The following GLRA2 variants were observed in gnomAD, a reference collection of about 807,000 sequenced individuals.
GLRA2 encodes the protein glycine receptor alpha 2, also known as glycine receptor subunit alpha-2.
GLRA2 carries 11 observed loss-of-function variants against 31.6 expected under a neutral mutation model. That is an observed-to-expected ratio of 0.35 (90% CI 0.22 to 0.58). The LOEUF is 0.58. Ranked by LOEUF, GLRA2 falls within the 20% of genes least tolerant of loss-of-function variation. GLRA2 has a pLI of 0.84. For synonymous variants in GLRA2, 132 were observed against 134.0 expected (o/e 0.99, Z 0.10); for missense variants, 212 against 351.8 (o/e 0.60, Z 3.18).
chrX:14,550,907 CA>C (rs896478842), intron 2 of GLRA2, among the ~76,000 whole-genome samples: 2 of 111,806 alleles, frequency 1.8e-5, no homozygotes, highest in African/African-American at 6.5e-5. Context: ...CTTTATTCCT[CA>C]CTGCACCCAT....
chrX:14,687,774 T>C (rs2091296039), intron 7 of GLRA2, among the ~76,000 whole-genome samples: 1 of 112,337 alleles, frequency 8.9e-6, no homozygotes, highest in South Asian at 3.7e-4. Flanking sequence ...TTGGAGAAGT[T>C]TGATCATCTG....
intron 7 of GLRA2, among the ~76,000 whole-genome samples, chrX:14,612,948 C>G (rs1446191323): frequency 1.8e-5 from 2 of 110,351 alleles, no homozygotes; most frequent in East Asian, 5.7e-4. Flanking sequence ...ATGTTCTGCA[C>G]AGGTAACCCA....
chrX:14,507,371 TA>T, the GLRA2 span, among the ~76,000 whole-genome samples: 1 of 111,958 alleles, frequency 8.9e-6, no homozygotes, highest in African/African-American at 3.2e-5. Flanking sequence ...ATTTGCCACA[TA>T]AGATCGTTGT....
At chrX:14,565,895 TAAATTTACAC>T (rs1227894514) in intron 2 of GLRA2, among the ~76,000 whole-genome samples, 12 of 111,263 alleles carry the variant, frequency 1.1e-4, no homozygotes, top group Non-Finnish European at 1.7e-4. Context: ...CAAATCAACA[TAAATTTACAC>T]CTTGAAGAAC....
At chrX:14,660,978 C>T (rs919632675) in intron 7 of GLRA2, among the ~76,000 whole-genome samples, 2 of 111,811 alleles carry the variant, frequency 1.8e-5, no homozygotes, top group African/African-American at 3.3e-5. Flanking sequence ...TTCTTTGTTT[C>T]GTTTACTAGA....
intron 4 of GLRA2, among the ~76,000 whole-genome samples, chrX:14,582,328 C>A (rs1046025511): frequency 8.6e-5 from 9 of 105,171 alleles, no homozygotes; most frequent in African/African-American, 2.8e-4. Flanking sequence ...TTGGTTTTTT[C>A]TTCTTGCGAT....
At chrX:14,729,806 C>CTGAA (rs756622037) in intron 8 of GLRA2, among the ~76,000 whole-genome samples, 41 of 111,144 alleles carry the variant, frequency 3.7e-4, no homozygotes, top group Middle Eastern at 9.3e-3. Context: ...TAAATGTTTT[C>CTGAA]TGAATGAATG....
intron 2 of GLRA2, among the ~76,000 whole-genome samples, chrX:14,541,084 A>G (rs1295499907): frequency 8.9e-6 from 1 of 111,941 alleles, no homozygotes; most frequent in Non-Finnish European, 1.9e-5. Flanking sequence ...TGCTAATATT[A>G]ATGTGCTTGT....
chrX:14,457,067 T>C, the GLRA2 span, among the ~76,000 whole-genome samples: 1 of 112,301 alleles, frequency 8.9e-6, no homozygotes, highest in Non-Finnish European at 1.9e-5. Flanking sequence ...TGGGATGAGA[T>C]GATACTTCAC....
chrX:14,496,444 C>T, the GLRA2 span, among the ~76,000 whole-genome samples: 1 of 111,503 alleles, frequency 9.0e-6, no homozygotes, highest in South Asian at 3.8e-4. Context: ...CATTTATCAC[C>T]ACTTTCTGTC....
chrX:14,584,043 C>G (rs2090054231), intron 4 of GLRA2, among the ~76,000 whole-genome samples: 1 of 110,875 alleles, frequency 9.0e-6, no homozygotes, highest in African/African-American at 3.3e-5. Context: ...ACACTGGGAC[C>G]TACTTGAGGG....
intron 7 of GLRA2, among the ~76,000 whole-genome samples, chrX:14,626,529 T>A (rs1223461627): frequency 8.9e-6 from 1 of 111,926 alleles, no homozygotes; most frequent in Non-Finnish European, 1.9e-5. Flanking sequence ...CTGGATTTGT[T>A]GACAAGCACA....
the GLRA2 span, among the ~76,000 whole-genome samples, chrX:14,476,654 T>C: frequency 1.8e-5 from 2 of 111,701 alleles, no homozygotes; most frequent in Non-Finnish European, 3.8e-5. Context: ...GAAATGTGTA[T>C]TGTGCCTTAT....
intron 7 of GLRA2, among the ~76,000 whole-genome samples, chrX:14,662,319 G>A (rs1173120887): frequency 8.9e-6 from 1 of 111,860 alleles, no homozygotes; most frequent in East Asian, 2.8e-4. Flanking sequence ...CAACAAGGCA[G>A]TTTTATTTAA....
chrX:14,476,457 C>T, the GLRA2 span, among the ~76,000 whole-genome samples: 2 of 111,629 alleles, frequency 1.8e-5, no homozygotes, highest in Non-Finnish European at 3.8e-5. Flanking sequence ...TTGGTTCCTC[C>T]GTTTCTTCAG....
At chrX:14,691,613 C>T (rs969007188) in intron 8 of GLRA2, among the ~76,000 whole-genome samples, 3 of 111,276 alleles carry the variant, frequency 2.7e-5, no homozygotes, top group Non-Finnish European at 5.7e-5. Flanking sequence ...TTAGACACAC[C>T]TTACACCAAC....
chrX:14,561,872 G>A (rs2089737532), intron 2 of GLRA2, among the ~76,000 whole-genome samples: 1 of 111,755 alleles, frequency 8.9e-6, no homozygotes, highest in African/African-American at 3.3e-5. Flanking sequence ...ATTGCCTTTA[G>A]TCCTTTGAAT....
intron 7 of GLRA2, among the ~76,000 whole-genome samples, chrX:14,631,729 T>G (rs189374724): frequency 9.5e-6 from 1 of 105,449 alleles, no homozygotes; most frequent in Non-Finnish European, 1.9e-5. Flanking sequence ...CAGTTACTCT[T>G]CTCACATGCA....
At chrX:14,501,122 G>A in the GLRA2 span, among the ~76,000 whole-genome samples, 2 of 108,868 alleles carry the variant, frequency 1.8e-5, no homozygotes, top group South Asian at 4.0e-4. Flanking sequence ...ATTAAAGACT[G>A]CTGTATTCCA....
Sources: gnomAD v4.1 joint callset for allele counts (sites outside exome capture counted in the v4.1 genomes callset) on GRCh38, gnomAD v4.1.1 for gene constraint, MANE v1.5 for transcripts, NCBI Gene and HGNC (gene_info 2026-07-23, HGNC 2026-07-21) for gene names.